Variants in GNB1 observed in about 807,000 individuals in gnomAD.
GNB1 encodes the protein G protein subunit beta 1, also known as guanine nucleotide-binding protein G(I)/G(S)/G(T) subunit beta-1.
Under a neutral mutation model 42.9 loss-of-function variants are expected in GNB1, and 2 were observed. The ratio of observed to expected loss-of-function variants is 0.05; its 90% confidence interval spans 0.02 to 0.15. The LOEUF is 0.15. Among genes scored for constraint, GNB1 ranks in the 10% least tolerant of loss-of-function variants. The pLI is 1.00. For missense variants in GNB1, 193 were observed against 462.2 expected, an observed-to-expected ratio of 0.42 and a Z score of 5.34; for synonymous variants, 183 against 174.7, an observed-to-expected ratio of 1.05 and a Z score of -0.38.
chr1:1,857,213 G>A (rs1648352903), intron 1 of GNB1, among the ~76,000 whole-genome samples: 1 of 152,038 alleles, frequency 6.6e-6, no homozygotes, highest in Non-Finnish European at 1.5e-5. Flanking sequence ...TGGGAAGTGG[G>A]GAGAGGAGGA....
intron 1 of GNB1, among the ~76,000 whole-genome samples, chr1:1,886,250 G>A (rs753711378): frequency 2.6e-5 from 4 of 152,130 alleles, no homozygotes; most frequent in African/African-American, 4.8e-5. Flanking sequence ...CCCGTGAGAT[G>A]GTGGTTGCAG....
intron 1 of GNB1, among the ~76,000 whole-genome samples, chr1:1,885,428 G>GA (rs1243420370): frequency 2.1e-5 from 3 of 140,116 alleles, no homozygotes; most frequent in Non-Finnish European, 3.2e-5. Context: ...AAAAAAGAAA[G>GA]AAAAAAGGAA....
Position 1,834,592 on chromosome 1 carries a change from G to A in GNB1, c.-47+4598C>T, listed in dbSNP as rs957116853. 4.6e-5 allele frequency among the ~76,000 whole-genome samples: 7 copies of A among 152,068 alleles called. No homozygotes were observed. In the East Asian group the frequency reaches 5.8e-4, roughly 13 times the overall value. On this transcript the variant is annotated intron_variant, in intron 2 of 11. Coordinates refer to ENST00000378609, the MANE Select transcript of GNB1 (RefSeq NM_002074.5). Reference sequence around the variant, plus strand: ...AATGAATGGCATCCATCCAGAAGACGGGTCTAACAGGGAAAGGTGGTGAGA... The same window carrying A: ...AATGAATGGCATCCATCCAGAAGACAGGTCTAACAGGGAAAGGTGGTGAGA...
intron 7 of GNB1, among the ~76,000 whole-genome samples, chr1:1,800,571 T>C (rs1646610527): frequency 6.6e-6 from 1 of 152,102 alleles, no homozygotes; most frequent in Non-Finnish European, 1.5e-5. Context: ...GATGCGTGTG[T>C]ATTGCAGCAC....
chr1:1,877,590 A>G (rs928338584), intron 1 of GNB1, among the ~76,000 whole-genome samples: 2 of 152,038 alleles, frequency 1.3e-5, no homozygotes, highest in Non-Finnish European at 2.9e-5. Context: ...CTCCTGCCTC[A>G]GCCTCCCAAA....
At chr1:1,888,453 C>T (rs568360486) in intron 1 of GNB1, among the ~76,000 whole-genome samples, 5 of 152,150 alleles carry the variant, frequency 3.3e-5, no homozygotes, top group Non-Finnish European at 7.3e-5. Context: ...CGCCCAACAC[C>T]TGCAGTCCAG....
chr1:1,802,003 A>G (rs1471689809), intron 7 of GNB1, among the ~76,000 whole-genome samples: 3 of 152,230 alleles, frequency 2.0e-5, no homozygotes, highest in African/African-American at 4.8e-5. Context: ...GCAGGGTCAC[A>G]GGGTCAATTA....
intron 2 of GNB1, among the ~76,000 whole-genome samples, chr1:1,829,976 G>A (rs1162910485): frequency 6.6e-6 from 1 of 152,062 alleles, no homozygotes; most frequent in Non-Finnish European, 1.5e-5. Context: ...CTGACCTCAG[G>A]TGATCCGCCC....
intron 1 of GNB1, among the ~76,000 whole-genome samples, chr1:1,880,397 G>A (rs375637760): frequency 2.0e-5 from 3 of 151,888 alleles, no homozygotes; most frequent in East Asian, 1.9e-4. Context: ...TCAGGAGATC[G>A]AGACCACGGT....
intron 3 of GNB1, among the ~76,000 whole-genome samples, chr1:1,823,833 A>G (rs1409236073): frequency 2.0e-5 from 3 of 152,282 alleles, no homozygotes; most frequent in Non-Finnish European, 4.4e-5. Context: ...TCATCCTTGC[A>G]CTGGAGTCAG....
intron 1 of GNB1, among the ~76,000 whole-genome samples, chr1:1,889,878 A>AC (rs1650376341): frequency 1.3e-5 from 1 of 79,000 alleles, no homozygotes; most frequent in Non-Finnish European, 2.7e-5. Context: ...CCCACTCCCC[A>AC]CCCCCACCCC....
intron 2 of GNB1, among the ~76,000 whole-genome samples, chr1:1,827,085 T>C (rs1447587643): frequency 1.3e-5 from 2 of 152,204 alleles, no homozygotes; most frequent in African/African-American, 2.4e-5. Context: ...TAATACAATA[T>C]ACATCAAAAT....
intron 7 of GNB1, 60 bp from the exon 8 acceptor site, chr1:1,793,371 T>C (rs368949927): frequency 4.3e-6 from 5 of 1,168,400 alleles, no homozygotes; most frequent in South Asian, 1.2e-5. Flanking sequence ...CCCAGCCTCA[T>C]ACATAGAGAA....
chr1:1,834,813 C>T (rs1002426980), intron 2 of GNB1, among the ~76,000 whole-genome samples: 5 of 152,070 alleles, frequency 3.3e-5, no homozygotes, highest in Admixed American at 6.5e-5. Flanking sequence ...GGACTACAGG[C>T]GCCTGCCACT....
chr1:1,887,349 C>A (rs1196522669), intron 1 of GNB1, among the ~76,000 whole-genome samples: 2 of 152,156 alleles, frequency 1.3e-5, no homozygotes, highest in African/African-American at 2.4e-5. Context: ...TAGAGATGCC[C>A]TGAAGACCTT....
chr1:1,834,104 C>G (rs181505213), intron 2 of GNB1, among the ~76,000 whole-genome samples: 2 of 152,242 alleles, frequency 1.3e-5, no homozygotes, highest in African/African-American at 4.8e-5. Flanking sequence ...CCAGAATCAT[C>G]TCCTTCATGT....
At chr1:1,848,546 AGACCTTTATGAGGG>A (rs928745036) in intron 1 of GNB1, among the ~76,000 whole-genome samples, 2 of 152,160 alleles carry the variant, frequency 1.3e-5, no homozygotes, top group African/African-American at 4.8e-5. Flanking sequence ...ATGAGAAGGA[AGACCTTTATGAGGG>A]ATCCACTTCC....
chr1:1,837,767 G>A (rs1387091694), intron 2 of GNB1, among the ~76,000 whole-genome samples: 1 of 150,964 alleles, frequency 6.6e-6, no homozygotes, highest in Non-Finnish European at 1.5e-5. Context: ...GTTTCACCAT[G>A]TTGGCCAGGA....
rs1451582353 is a variant in GNB1, at chr1:1,806,477, T to G, written c.265A>C (p.Lys89Gln). The G allele has an allele frequency of 6.3e-7, 1 of 1,595,624 alleles. No individual in the cohort carries two copies. The highest frequency in any genetic ancestry group is 8.6e-7 in the Non-Finnish European group (1 of 1,163,264). ...GAAGGGAATCCTCCAGTCCCTACCT[T>G]GTTGGTGGTGTAGCTGTCCCAGATG... ...LIIWDSYTTNKVHAIPLRSSW... is the reference protein window; with the variant it reads ...LIIWDSYTTNQVHAIPLRSSW... Residue 89 changes from lysine to glutamine, a missense_variant and splice_region_variant, in exon 6 of 12, where the codon AAG becomes CAG. By Grantham distance (53) the Lys-to-Gln change is moderately conservative. Around this residue, in one of 2 missense-constraint regions of GNB1, gnomAD observed 150 missense variants for 410.8 expected, o/e 0.37. Transcript: ENST00000378609.
Sources: gnomAD v4.1 joint callset for allele counts (sites outside exome capture counted in the v4.1 genomes callset) on GRCh38, gnomAD v4.1.1 for gene constraint, gnomAD v4.1.1 regional missense constraint, MANE v1.5 for transcripts, NCBI Gene and HGNC (gene_info 2026-07-23, HGNC 2026-07-21) for gene names.